Variants in ST6GALNAC5 observed in about 807,000 individuals in gnomAD.
ST6GALNAC5 encodes ST6 N-acetylgalactosaminide alpha-2,6-sialyltransferase 5.
ST6GALNAC5 carries 27 observed loss-of-function variants against 33.6 expected under a neutral mutation model. The ratio of observed to expected loss-of-function variants is 0.80; its 90% CI spans 0.59 to 1.11. The LOEUF is 1.11. ST6GALNAC5 is among the 50% of genes least tolerant of loss of function. ST6GALNAC5 has a pLI of 0.00. For synonymous variants in ST6GALNAC5, 194 were observed against 171.2 expected (o/e 1.13, Z -1.04); for missense variants, 428 against 454.0 (o/e 0.94, Z 0.52).
chr1:76,903,912 G>T (rs1260940329), intron 2 of ST6GALNAC5, among the ~76,000 whole-genome samples: 1 of 152,186 alleles, frequency 6.6e-6, no homozygotes, highest in Non-Finnish European at 1.5e-5. Context: ...AGGGCTGGGG[G>T]TGATGGGTGG....
At chr1:77,044,181 G>A in intron 2 of ST6GALNAC5, 23 bp from the exon 3 acceptor site, 1 of 1,574,504 alleles carries the variant, frequency 6.4e-7, no homozygotes, top group Non-Finnish European at 8.6e-7. Flanking sequence ...CCCTGACAGT[G>A]TCCTTCTCCC....
At chr1:77,000,382 T>G (rs1202187850) in intron 2 of ST6GALNAC5, among the ~76,000 whole-genome samples, 2 of 128,008 alleles carry the variant, frequency 1.6e-5, no homozygotes, top group African/African-American at 5.0e-5. Flanking sequence ...TTGTAGATTC[T>G]GGATATTAGC....
At chr1:76,921,530 A>G (rs138407390) in intron 2 of ST6GALNAC5, among the ~76,000 whole-genome samples, 31 of 152,314 alleles carry the variant, frequency 2.0e-4, no homozygotes, top group African/African-American at 7.0e-4. Flanking sequence ...GGATTTCAAT[A>G]CAAATTCTGC....
chr1:76,887,092 A>G (rs1410267978), intron 2 of ST6GALNAC5, among the ~76,000 whole-genome samples: 1 of 151,982 alleles, frequency 6.6e-6, no homozygotes, highest in East Asian at 1.9e-4. Flanking sequence ...TGAGTCTCCA[A>G]CTCTCATATC....
In ST6GALNAC5 at chr1:76,971,434, A is replaced by G. The variant is rs192115153; in HGVS notation, c.262-72770A>G. Among the ~76,000 whole-genome samples, 82 of 152,212 alleles carry G rather than the reference A, an allele frequency of 5.4e-4. 1 individual carries two copies. Among genetic ancestry groups the G allele is most frequent in the Admixed American group, 4.8e-3 (73 of 15,272 alleles). On this transcript the variant is annotated intron_variant, in intron 2 of 4. Coordinates refer to ENST00000477717, the MANE Select transcript of ST6GALNAC5 (RefSeq NM_030965.3). ...GATGGTGAGTGAGAAACCACTAAAT[A>G]TTTGCTAAATATTTTGGCATGGATG...
intron 2 of ST6GALNAC5, among the ~76,000 whole-genome samples, chr1:76,906,607 C>T (rs112951897): frequency 0.018 from 2,765 of 152,120 alleles, 86 homozygotes; most frequent in African/African-American, 0.062. Context: ...ACAGGCATGA[C>T]AAGAATTTAT....
At chr1:77,030,293 C>T (rs1399089976) in intron 2 of ST6GALNAC5, among the ~76,000 whole-genome samples, 1 of 152,180 alleles carries the variant, frequency 6.6e-6, no homozygotes, top group Non-Finnish European at 1.5e-5. Context: ...GTGGCTTTGG[C>T]CTCAGCACTG....
At chr1:76,991,599 C>G (rs1040690607) in intron 2 of ST6GALNAC5, among the ~76,000 whole-genome samples, 2 of 152,132 alleles carry the variant, frequency 1.3e-5, no homozygotes, top group African/African-American at 4.8e-5. Context: ...TCTGCTAATT[C>G]TACTCCTTCT....
intron 2 of ST6GALNAC5, among the ~76,000 whole-genome samples, chr1:76,892,217 T>A (rs561972491): frequency 2.0e-5 from 3 of 152,166 alleles, no homozygotes; most frequent in Admixed American, 1.3e-4. Flanking sequence ...CTCGTGAGAG[T>A]GTTACTATGG....
chr1:77,018,384 C>T (rs184933294), intron 2 of ST6GALNAC5, among the ~76,000 whole-genome samples: 29 of 152,272 alleles, frequency 1.9e-4, no homozygotes, highest in African/African-American at 6.5e-4. Context: ...GGCACTGTGC[C>T]AGGTACAAAC....
intron 2 of ST6GALNAC5, among the ~76,000 whole-genome samples, chr1:76,873,096 C>A (rs1423613927): frequency 6.6e-6 from 1 of 152,162 alleles, no homozygotes; most frequent in Non-Finnish European, 1.5e-5. Flanking sequence ...TCTTAAATTC[C>A]AGGCATGCTG....
intron 2 of ST6GALNAC5, among the ~76,000 whole-genome samples, chr1:76,918,188 CT>C (rs1257560882): frequency 6.6e-6 from 1 of 152,112 alleles, no homozygotes; most frequent in Non-Finnish European, 1.5e-5. Context: ...GAGAATGAAG[CT>C]GATAATGTGC....
At chr1:76,925,379 A>G (rs1343367734) in intron 2 of ST6GALNAC5, among the ~76,000 whole-genome samples, 3 of 152,124 alleles carry the variant, frequency 2.0e-5, no homozygotes, top group African/African-American at 4.8e-5. Flanking sequence ...ATAGTTTATT[A>G]TTACCATCAG....
At chr1:77,055,300 C>G (rs1237234335) in intron 4 of ST6GALNAC5, among the ~76,000 whole-genome samples, 3 of 152,210 alleles carry the variant, frequency 2.0e-5, no homozygotes, top group Non-Finnish European at 4.4e-5. Context: ...GGAACTCACC[C>G]TGCAGACACC....
At chr1:76,906,835 C>T (rs1646868464) in intron 2 of ST6GALNAC5, among the ~76,000 whole-genome samples, 1 of 152,156 alleles carries the variant, frequency 6.6e-6, no homozygotes, top group Admixed American at 6.6e-5. Context: ...TTTATTTCAA[C>T]ATATTCAAAA....
At chr1:77,013,467 T>C (rs942385242) in intron 2 of ST6GALNAC5, among the ~76,000 whole-genome samples, 6 of 152,224 alleles carry the variant, frequency 3.9e-5, no homozygotes, top group Non-Finnish European at 7.3e-5. Flanking sequence ...TCGTCTTTAT[T>C]ATGAGCTTTC....
intron 2 of ST6GALNAC5, among the ~76,000 whole-genome samples, chr1:76,944,025 A>G (rs1464144421): frequency 6.6e-6 from 1 of 152,088 alleles, no homozygotes; most frequent in Non-Finnish European, 1.5e-5. Context: ...CCTGATGAAC[A>G]CAAGGGCCCT....
At chr1:76,921,670 TG>T (rs758593006) in intron 2 of ST6GALNAC5, among the ~76,000 whole-genome samples, 1 of 152,204 alleles carries the variant, frequency 6.6e-6, no homozygotes, top group Non-Finnish European at 1.5e-5. Context: ...TTAATGAAAT[TG>T]AATTTGCAAC....
intron 4 of ST6GALNAC5, among the ~76,000 whole-genome samples, chr1:77,055,532 A>C (rs1330036836): frequency 6.6e-6 from 1 of 152,256 alleles, no homozygotes; most frequent in East Asian, 1.9e-4. Context: ...GAAGGCTTAA[A>C]GACATGAAAC....
Sources: allele counts gnomAD v4.1 joint callset (sites outside exome capture counted in the v4.1 genomes callset), GRCh38; gene constraint gnomAD v4.1.1; transcripts MANE v1.5; gene names NCBI Gene and HGNC (gene_info 2026-07-23, HGNC 2026-07-21).